CRY2: variants seen among roughly 807,000 people sequenced by gnomAD.
CRY2 encodes cryptochrome-2.
CRY2 carries 31 observed loss-of-function variants against 69.5 expected under a neutral mutation model. The observed-to-expected ratio is 0.45, with a 90% CI of 0.34 to 0.60. The LOEUF (loss-of-function observed/expected upper bound fraction) is 0.60. Among genes scored for constraint, CRY2 ranks in the 20% least tolerant of loss-of-function variants. CRY2 has a pLI of 0.02. For synonymous variants in CRY2, 303 were observed against 312.2 expected (o/e 0.97, Z 0.31); for missense variants, 606 against 797.8 (o/e 0.76, Z 2.90).
At chr11:45,862,178 C>T in intron 5 of CRY2, 30 bp downstream of exon 5, 3 of 1,594,506 alleles carry the variant, frequency 1.9e-6, no homozygotes, top group Non-Finnish European at 2.6e-6. Flanking sequence ...CACAGAGCTG[C>T]AGATACTGAT....
intron 3 of CRY2, among the ~76,000 whole-genome samples, chr11:45,859,731 C>T (rs1357324823): frequency 6.6e-6 from 1 of 152,074 alleles, no homozygotes; most frequent in African/African-American, 2.4e-5. Context: ...GGAGGAAATC[C>T]TCTCCTCCCC....
At chr11:45,851,189 G>GT in intron 1 of CRY2, among the ~76,000 whole-genome samples, 1 of 152,260 alleles carries the variant, frequency 6.6e-6, no homozygotes, top group East Asian at 1.9e-4. Context: ...GACCTCTGTG[G>GT]TTTTTCATTA....
At chr11:45,874,099 T>C (rs975871983) in intron 11 of CRY2, among the ~76,000 whole-genome samples, 1 of 152,008 alleles carries the variant, frequency 6.6e-6, no homozygotes, top group African/African-American at 2.4e-5. Flanking sequence ...CTCATCAGCT[T>C]GGAGAAACCC....
In CRY2 at chr11:45,856,044, T is replaced by C. The variant is rs1339722440; in HGVS notation, c.278T>C (p.Phe93Ser). Residue 93 changes from phenylalanine (F) to serine (S), a missense_variant, in exon 2 of 12, where the codon TTT (phenylalanine) becomes TCT (serine). Transcript: ENST00000616080. ...TTAAGGAAACTGAACTCCCGCCTGTTTGTAGTCCGGGGACAGCCAGCCGAC... is the reference window on the plus strand; with the variant it reads ...TTAAGGAAACTGAACTCCCGCCTGTCTGTAGTCCGGGGACAGCCAGCCGAC... ...TSLRKLNSRL[F>S]VVRGQPADVF... 6.2e-7 allele frequency: 1 copy of C among 1,614,098 alleles called. No homozygotes were observed. The highest frequency in any genetic ancestry group is 8.5e-7 in the Non-Finnish European group (1 of 1,180,042).
intron 11 of CRY2, among the ~76,000 whole-genome samples, chr11:45,872,630 T>C (rs927230275): frequency 5.3e-5 from 8 of 152,158 alleles, no homozygotes; most frequent in African/African-American, 1.7e-4. Context: ...TGCATGACTT[T>C]TAGGATTTCA....
At chr11:45,872,335 A>G in intron 11 of CRY2, 102 bp downstream of exon 11, 1 of 1,104,018 alleles carries the variant, frequency 9.1e-7, no homozygotes, top group Non-Finnish European at 1.3e-6. Context: ...ACTAGATGAA[A>G]ATCTGGTGGG....
chr11:45,861,229 T>G, intron 4 of CRY2, 197 bp downstream of exon 4: 1 of 602,164 alleles, frequency 1.7e-6, no homozygotes, highest in Non-Finnish European at 2.9e-6. Flanking sequence ...GTATTTGTTC[T>G]GTTCATACTC....
intron 11 of CRY2, among the ~76,000 whole-genome samples, chr11:45,872,541 G>T (rs540320498): frequency 6.6e-6 from 1 of 152,094 alleles, no homozygotes; most frequent in South Asian, 2.1e-4. Context: ...AGGAGTACAA[G>T]ACCAACCTGG....
chr11:45,863,260 G>T (rs2086302661), intron 5 of CRY2, among the ~76,000 whole-genome samples: 1 of 152,218 alleles, frequency 6.6e-6, no homozygotes, highest in Middle Eastern at 3.2e-3. Context: ...AGGGGCAGAA[G>T]GGTGGAGATG....
At chr11:45,869,840 G>T in intron 7 of CRY2, 23 bp downstream of exon 7, 1 of 1,588,668 alleles carries the variant, frequency 6.3e-7, no homozygotes, top group Non-Finnish European at 8.6e-7. Flanking sequence ...TCAACGAAAA[G>T]CTGGCCTGTA....
At chr11:45,878,865 G>T (rs1397660460) in intron 11 of CRY2, among the ~76,000 whole-genome samples, 1 of 142,460 alleles carries the variant, frequency 7.0e-6, no homozygotes, top group Non-Finnish European at 1.5e-5. Context: ...GTTGCAGTGA[G>T]CCAAGATCGC....
intron 5 of CRY2, among the ~76,000 whole-genome samples, chr11:45,863,781 C>T (rs934513740): frequency 2.0e-5 from 3 of 151,928 alleles, no homozygotes; most frequent in African/African-American, 7.2e-5. Context: ...ATCATGAGTC[C>T]GCTCCCAGAA....
intron 1 of CRY2, among the ~76,000 whole-genome samples, chr11:45,853,265 C>T: frequency 6.6e-6 from 1 of 152,158 alleles, no homozygotes; most frequent in East Asian, 1.9e-4. Context: ...TAGTGCCTGT[C>T]ATTGTAAATG....
At chr11:45,849,229 T>G (rs1221031805) in intron 1 of CRY2, among the ~76,000 whole-genome samples, 1 of 152,224 alleles carries the variant, frequency 6.6e-6, no homozygotes, top group African/African-American at 2.4e-5. Context: ...ACCAGGTGTT[T>G]ATGGATTTTT....
intron 9 of CRY2, 128 bp from the exon 10 acceptor site, chr11:45,870,714 G>T: frequency 1.8e-6 from 2 of 1,092,304 alleles, no homozygotes; most frequent in Non-Finnish European, 1.3e-6. Flanking sequence ...TAGTTGTGGG[G>T]CTGTGGGAGG....
chr11:45,852,103 T>G (rs1340974059), intron 1 of CRY2, among the ~76,000 whole-genome samples: 1 of 152,214 alleles, frequency 6.6e-6, no homozygotes, highest in Non-Finnish European at 1.5e-5. Context: ...CCAGTCTGGT[T>G]TTCTCCAGTT....
chr11:45,864,357 T>G (rs1206135204), intron 5 of CRY2, among the ~76,000 whole-genome samples: 1 of 152,206 alleles, frequency 6.6e-6, no homozygotes, highest in African/African-American at 2.4e-5. Flanking sequence ...GCACAGTGAC[T>G]CACACCTGTA....
At chr11:45,871,561 C>T (rs1401712435) in intron 10 of CRY2, among the ~76,000 whole-genome samples, 1 of 152,138 alleles carries the variant, frequency 6.6e-6, no homozygotes, top group Non-Finnish European at 1.5e-5. Context: ...ACAGGGAGGC[C>T]AGAGAGGAGG....
rs1297050228 is a variant in CRY2 at position 45,847,663 on chromosome 11, C to T, written c.173C>T (p.Pro58Leu). Residue 58 changes from proline to leucine, a missense_variant, in exon 1 of 12, where the codon CCG becomes CTG. Transcript: ENST00000616080. Reference protein sequence around the residue: ...RCVRCVYILDPWFAASSSVGI... With the variant: ...RCVRCVYILDLWFAASSSVGI... Reference sequence around the variant, plus strand: ...GTGCGCTGCGTTTACATTCTCGACCCGTGGTTCGCGGCCTCCTCCTCAGTC... The same window carrying T: ...GTGCGCTGCGTTTACATTCTCGACCTGTGGTTCGCGGCCTCCTCCTCAGTC... 6.3e-7 allele frequency: 1 copy of T among 1,591,494 alleles called. No homozygotes were observed. Among genetic ancestry groups the T allele is most frequent in the East Asian group, 2.3e-5 (1 of 43,630 alleles).
Sources: gnomAD v4.1 joint callset for allele counts (sites outside exome capture counted in the v4.1 genomes callset) on GRCh38, gnomAD v4.1.1 for gene constraint, MANE v1.5 for transcripts, NCBI Gene and HGNC (gene_info 2026-07-23, HGNC 2026-07-21) for gene names.